CASR: variants seen among roughly 807,000 people sequenced by gnomAD.
CASR encodes the protein calcium sensing receptor.
A neutral mutation model predicts 69.1 loss-of-function variants in CASR; 23 were observed. The observed-to-expected ratio is 0.33, with a 90% CI of 0.24 to 0.47. The LOEUF (loss-of-function observed/expected upper bound fraction) is 0.47. Among genes scored for constraint, CASR ranks in the 20% least tolerant of loss-of-function variants. The pLI, the probability that CASR is intolerant of heterozygous loss-of-function variation, is 1.00. For synonymous variants in CASR, 541 were observed against 544.7 expected (o/e 0.99, Z 0.10); for missense variants, 924 against 1,356.1 (o/e 0.68, Z 5.00).
intron 4 of CASR, among the ~76,000 whole-genome samples, chr3:122,271,924 C>T (rs2074762318): frequency 6.6e-6 from 1 of 152,130 alleles, no homozygotes; most frequent in Non-Finnish European, 1.5e-5. Flanking sequence ...TTCCTTTTTA[C>T]AGCCAAATAG....
chr3:122,281,111 C>G (rs2074882148), intron 5 of CASR, among the ~76,000 whole-genome samples: 1 of 152,190 alleles, frequency 6.6e-6, no homozygotes, highest in African/African-American at 2.4e-5. Context: ...CAAAACTGGA[C>G]AAAAACCACT....
intron 1 of CASR, among the ~76,000 whole-genome samples, chr3:122,190,153 T>C (rs1484129351): frequency 6.6e-6 from 1 of 152,092 alleles, no homozygotes; most frequent in Admixed American, 6.5e-5. Flanking sequence ...GCTTCAGGCT[T>C]CCAGTCCATC....
At chr3:122,260,222 T>A (rs908201931) in intron 3 of CASR, among the ~76,000 whole-genome samples, 2 of 152,158 alleles carry the variant, frequency 1.3e-5, no homozygotes, top group South Asian at 4.1e-4. Flanking sequence ...TTGATCAGCT[T>A]CCTCTGTTTG....
intron 1 of CASR, among the ~76,000 whole-genome samples, chr3:122,223,397 ATCCT>A (rs1487436886): frequency 3.3e-5 from 5 of 152,218 alleles, no homozygotes; most frequent in Non-Finnish European, 1.5e-5. Flanking sequence ...CATACAAAAA[ATCCT>A]TAGCGAATAT....
At chr3:122,248,383 A>T (rs978958716) in intron 1 of CASR, among the ~76,000 whole-genome samples, 5 of 109,996 alleles carry the variant, frequency 4.5e-5, no homozygotes, top group African/African-American at 1.7e-4. Flanking sequence ...AAACTTTTTC[A>T]GGTTTATTTT....
chr3:122,254,674 A>G (rs931036497), intron 2 of CASR, among the ~76,000 whole-genome samples: 1 of 152,190 alleles, frequency 6.6e-6, no homozygotes, highest in Non-Finnish European at 1.5e-5. Flanking sequence ...GCTTAATGGA[A>G]GACTAAGTAC....
chr3:122,243,665 A>G (rs543811283), intron 1 of CASR, among the ~76,000 whole-genome samples: 2 of 152,238 alleles, frequency 1.3e-5, no homozygotes, highest in African/African-American at 4.8e-5. Context: ...CAGTAATCCC[A>G]CTGCTAGGTA....
intron 1 of CASR, among the ~76,000 whole-genome samples, chr3:122,233,677 A>G (rs891629913): frequency 2.6e-5 from 4 of 152,170 alleles, no homozygotes; most frequent in Admixed American, 2.6e-4. Flanking sequence ...CAGATTACGC[A>G]TGGGCTACTT....
chr3:122,223,918 A>C (rs1323750076), intron 1 of CASR, among the ~76,000 whole-genome samples: 5 of 152,210 alleles, frequency 3.3e-5, no homozygotes, highest in African/African-American at 7.2e-5. Flanking sequence ...TTCCCACATA[A>C]ACAGAATTAA....
chr3:122,248,965 C>G (rs1186375693), intron 1 of CASR, among the ~76,000 whole-genome samples: 1 of 152,292 alleles, frequency 6.6e-6, no homozygotes, highest in East Asian at 1.9e-4. Context: ...CATTTAGTAC[C>G]AGGTTCTTTG....
intron 4 of CASR, among the ~76,000 whole-genome samples, chr3:122,264,317 CT>C (rs1470780635): frequency 6.6e-6 from 1 of 152,174 alleles, no homozygotes; most frequent in Non-Finnish European, 1.5e-5. Context: ...CAATTTTCAG[CT>C]TCTGTAGCAG....
chr3:122,245,950 CG>C lies in CASR; in HGVS notation c.-242-7992del, dbSNP rs1179029398. Among the ~76,000 whole-genome samples the C allele has an allele frequency of 4.6e-5, 7 of 152,236 alleles. No homozygotes were observed. In the South Asian group the frequency reaches 1.2e-3, roughly 27 times the overall value. ...AAAGACAAACTGTGCACTGACAAAT[CG>C]GGGGGAAAAAATTACTTCCCTTTTC... is the stretch of plus-strand genomic sequence containing the variant. On this transcript the variant is annotated intron_variant, in intron 1 of 6. Transcript: ENST00000639785.
chr3:122,251,625 G>T (rs2074484719), intron 1 of CASR, among the ~76,000 whole-genome samples: 1 of 152,236 alleles, frequency 6.6e-6, no homozygotes, highest in African/African-American at 2.4e-5. Context: ...AACAGCAAGT[G>T]TGAGATCTGA....
chr3:122,236,946 A>G (rs2074334387), intron 1 of CASR, among the ~76,000 whole-genome samples: 1 of 152,166 alleles, frequency 6.6e-6, no homozygotes, highest in Admixed American at 6.5e-5. Flanking sequence ...CTTTCATTGC[A>G]GTGGTAAATT....
intron 1 of CASR, among the ~76,000 whole-genome samples, chr3:122,233,986 C>T (rs1262956395): frequency 6.6e-6 from 1 of 152,214 alleles, no homozygotes; most frequent in Admixed American, 6.5e-5. Flanking sequence ...AAGAAGTGAC[C>T]TCTATCTCTG....
chr3:122,264,747 G>A (rs141619882), intron 4 of CASR, among the ~76,000 whole-genome samples: 45 of 152,326 alleles, frequency 3.0e-4, no homozygotes, highest in African/African-American at 8.7e-4. Flanking sequence ...AGGAACCCAG[G>A]CTGTTGGATG....
At chr3:122,249,434 A>G (rs1161645284) in intron 1 of CASR, among the ~76,000 whole-genome samples, 2 of 152,254 alleles carry the variant, frequency 1.3e-5, no homozygotes, top group African/African-American at 4.8e-5. Context: ...TATCTAGCAC[A>G]TAGAGAGCTC....
chr3:122,243,639 G>A (rs1331384856), intron 1 of CASR, among the ~76,000 whole-genome samples: 2 of 152,028 alleles, frequency 1.3e-5, no homozygotes, highest in Non-Finnish European at 2.9e-5. Flanking sequence ...ACTAAAAATA[G>A]AGCTACCATA....
chr3:122,201,764 T>C (rs1460439404), intron 1 of CASR, among the ~76,000 whole-genome samples: 3 of 150,298 alleles, frequency 2.0e-5, no homozygotes, highest in Non-Finnish European at 4.4e-5. Flanking sequence ...GCGGAGGGTC[T>C]CCTCACTTCT....
Sources: gnomAD v4.1 joint callset for allele counts (sites outside exome capture counted in the v4.1 genomes callset) on GRCh38, gnomAD v4.1.1 for gene constraint, MANE v1.5 for transcripts, NCBI Gene and HGNC (gene_info 2026-07-23, HGNC 2026-07-21) for gene names.